The following LRBA variants were observed in gnomAD, a reference collection of about 807,000 sequenced individuals.
LRBA encodes the protein LPS responsive beige-like anchor protein.
A neutral mutation model predicts 330.0 loss-of-function variants in LRBA; 176 were observed. The ratio of observed to expected loss-of-function variants is 0.53; its 90% CI spans 0.47 to 0.60. LRBA has a LOEUF of 0.60. LRBA is among the 20% of genes least tolerant of loss of function. The probability of loss-of-function intolerance (pLI) is 0.00; values close to 1 mark genes in which losing one functional copy is unlikely to be tolerated. For missense variants in LRBA, 3,259 were observed against 3,444.8 expected, an observed-to-expected ratio of 0.95 and a Z score of 1.35; for synonymous variants, 1,230 against 1,193.0, an observed-to-expected ratio of 1.03 and a Z score of -0.64.
intron 44 of LRBA, among the ~76,000 whole-genome samples, chr4:150,442,772 T>C (rs1386956009): frequency 2.0e-5 from 3 of 152,136 alleles, no homozygotes; most frequent in Non-Finnish European, 4.4e-5. Context: ...AAGGACAGAA[T>C]ATCATCAAGC....
At chr4:150,472,439 G>A (rs1016606348) in intron 42 of LRBA, among the ~76,000 whole-genome samples, 1 of 151,978 alleles carries the variant, frequency 6.6e-6, no homozygotes, top group Non-Finnish European at 1.5e-5. Flanking sequence ...TTTGTAAAAG[G>A]TTCACTGAAG....
chr4:150,856,050 A>G (rs1751188039), intron 22 of LRBA, among the ~76,000 whole-genome samples: 2 of 152,172 alleles, frequency 1.3e-5, no homozygotes, highest in Non-Finnish European at 2.9e-5. Flanking sequence ...TGCCAGGTAG[A>G]GTGTATTGGC....
chr4:150,275,024 TC>T (rs1360706448), intron 56 of LRBA, among the ~76,000 whole-genome samples: 1 of 151,956 alleles, frequency 6.6e-6, no homozygotes, highest in East Asian at 1.9e-4. Flanking sequence ...AATGCGAAAA[TC>T]CTCAATAAAA....
At chr4:150,663,537 A>T (rs1581975539) in intron 37 of LRBA, among the ~76,000 whole-genome samples, 1 of 150,510 alleles carries the variant, frequency 6.6e-6, no homozygotes, top group African/African-American at 2.4e-5. Flanking sequence ...AGTTCTACTC[A>T]CCCCACTTAT....
intron 4 of LRBA, among the ~76,000 whole-genome samples, chr4:150,924,234 A>G (rs1179932058): frequency 6.6e-6 from 1 of 152,154 alleles, no homozygotes. Flanking sequence ...TTAGTAGACC[A>G]GGCACAGTGG....
At chr4:151,008,059 T>A (rs1744320696) in intron 2 of LRBA, among the ~76,000 whole-genome samples, 1 of 152,006 alleles carries the variant, frequency 6.6e-6, no homozygotes, top group Admixed American at 6.6e-5. Flanking sequence ...ACTTGTATAC[T>A]TAAAATGAGA....
At chr4:150,850,668 T>C (rs1750507262) in intron 24 of LRBA, 56 bp downstream of exon 24, 2 of 1,065,108 alleles carry the variant, frequency 1.9e-6, no homozygotes, top group Non-Finnish European at 2.7e-6. Context: ...TATGGATTTC[T>C]TTGAAAATAA....
At chr4:150,683,315 C>A (rs1309940020) in intron 37 of LRBA, among the ~76,000 whole-genome samples, 2 of 152,052 alleles carry the variant, frequency 1.3e-5, no homozygotes, top group African/African-American at 4.8e-5. Flanking sequence ...GGAAACTGAT[C>A]TACAAAGATC....
In LRBA at chr4:150,693,563, C is replaced by CAAAAAAAAAA. The variant is rs70941428; in HGVS notation, c.5755-9856_5755-9847dup. Among the ~76,000 whole-genome samples, 51 of 52,698 alleles carry CAAAAAAAAAA rather than the reference C, an allele frequency of 9.7e-4. 4 individuals are homozygous for CAAAAAAAAAA. Among genetic ancestry groups the CAAAAAAAAAA allele is most frequent in the East Asian group, 1.2e-3 (2 of 1,704 alleles). The allele number at this position is 52,698 out of a possible 152,430, so 34.6% of individuals were successfully genotyped here. ...TGGGTGACAGAGCGAGACTCCGTCTCAAAAAAAAAAAAAAAAAAAAAAATT... is the reference window on the plus strand; with the variant it reads ...TGGGTGACAGAGCGAGACTCCGTCTCAAAAAAAAAAAAAAAAAAAAAAAAAAAAAAAAATT... On this transcript the variant is annotated intron_variant, in intron 36 of 56. Transcript: ENST00000651943.
At chr4:150,283,401 T>C (rs1747781828) in intron 54 of LRBA, among the ~76,000 whole-genome samples, 1 of 152,160 alleles carries the variant, frequency 6.6e-6, no homozygotes, top group African/African-American at 2.4e-5. Context: ...GAGTACCTGC[T>C]GCATGCAAGG....
At position 150,905,270 on chromosome 4, in the gene LRBA, T is replaced by C. The variant is rs1190278914; in HGVS notation, c.1755+568A>G. Among the ~76,000 whole-genome samples the C allele has an allele frequency of 2.6e-5, 4 of 152,200 alleles. No homozygotes were observed. In the South Asian group the frequency reaches 8.3e-4, roughly 32 times the overall value. ...TTAAAATGATTACGAGACTAGTATATCATGCCTTCAAAGAAAAAGTGACAT... is the reference window on the plus strand; with the variant it reads ...TTAAAATGATTACGAGACTAGTATACCATGCCTTCAAAGAAAAAGTGACAT... On this transcript the variant is annotated intron_variant, in intron 13 of 56. Coordinates refer to ENST00000651943, the MANE Select transcript of LRBA (RefSeq NM_001364905.1).
intron 2 of LRBA, among the ~76,000 whole-genome samples, chr4:150,956,198 T>C (rs1737533253): frequency 6.7e-6 from 1 of 148,832 alleles, no homozygotes. Context: ...AGTGCATTAC[T>C]ACCAACCTTA....
chr4:150,479,769 C>T (rs1757094042), intron 42 of LRBA, among the ~76,000 whole-genome samples: 2 of 152,108 alleles, frequency 1.3e-5, no homozygotes, highest in Non-Finnish European at 2.9e-5. Context: ...GGATCACTTG[C>T]TCTGCAGGAA....
intron 36 of LRBA, among the ~76,000 whole-genome samples, chr4:150,707,159 G>C (rs1785708574): frequency 6.6e-6 from 1 of 151,614 alleles, no homozygotes; most frequent in African/African-American, 2.4e-5. Flanking sequence ...GTAAGGATAA[G>C]GGGTGGAAGG....
chr4:150,456,356 T>C (rs777857973), intron 44 of LRBA, among the ~76,000 whole-genome samples: 2 of 152,160 alleles, frequency 1.3e-5, no homozygotes, highest in Non-Finnish European at 2.9e-5. Context: ...CTTTTGGACA[T>C]AAGCCATTTT....
At chr4:150,532,813 A>G (rs2152203997) in intron 40 of LRBA, among the ~76,000 whole-genome samples, 1 of 152,268 alleles carries the variant, frequency 6.6e-6, no homozygotes, top group East Asian at 1.9e-4. Flanking sequence ...TCAAAAGAAA[A>G]AAGAAAAAAT....
chr4:150,280,581 A>G (rs1747369214), intron 55 of LRBA, among the ~76,000 whole-genome samples: 1 of 152,236 alleles, frequency 6.6e-6, no homozygotes, highest in African/African-American at 2.4e-5. Context: ...CCACAGAGCA[A>G]TCTGGCATCT....
At chr4:150,565,591 T>C (rs1184125133) in intron 40 of LRBA, among the ~76,000 whole-genome samples, 2 of 152,086 alleles carry the variant, frequency 1.3e-5, no homozygotes, top group East Asian at 1.9e-4. Context: ...ATATAATTAG[T>C]ATACATTTTA....
At chr4:150,625,115 C>T (rs552679166) in intron 37 of LRBA, among the ~76,000 whole-genome samples, 10 of 151,954 alleles carry the variant, frequency 6.6e-5, no homozygotes, top group Admixed American at 4.6e-4. Context: ...GTGAGAAGTG[C>T]TATTACTTTA....
Sources: allele counts gnomAD v4.1 joint callset (sites outside exome capture counted in the v4.1 genomes callset), GRCh38; gene constraint gnomAD v4.1.1; transcripts MANE v1.5; gene names NCBI Gene and HGNC (gene_info 2026-07-23, HGNC 2026-07-21).